Variants in PCDHGA4 observed in about 807,000 individuals in gnomAD.
PCDHGA4 encodes the protein protocadherin gamma subfamily A, 4.
A neutral mutation model predicts 54.6 loss-of-function variants in PCDHGA4; 38 were observed. The observed-to-expected ratio is 0.70, with a 90% CI of 0.54 to 0.91. The LOEUF (loss-of-function observed/expected upper bound fraction) is 0.91. Among genes scored for constraint, PCDHGA4 ranks in the 40% least tolerant of loss-of-function variants. The probability of loss-of-function intolerance (pLI) is 0.00; values close to 1 mark genes in which losing one functional copy is unlikely to be tolerated. For missense variants in PCDHGA4, 1,298 were observed against 1,220.9 expected, an observed-to-expected ratio of 1.06 and a Z score of -0.94; for synonymous variants, 511 against 512.9, an observed-to-expected ratio of 1.00 and a Z score of 0.05.
chr5:141,365,331 T>G, intron 1 of PCDHGA4: 1 of 1,613,960 alleles, frequency 6.2e-7, no homozygotes, highest in Non-Finnish European at 8.5e-7. Flanking sequence ...GCTAAGGTGG[T>G]GGTCACAGTA....
intron 1 of PCDHGA4, chr5:141,384,276 C>A: frequency 6.2e-7 from 1 of 1,613,888 alleles, no homozygotes; most frequent in Non-Finnish European, 8.5e-7. Context: ...CCTACTCAGT[C>A]TACATCGCTG....
chr5:141,479,211 A>G (rs2099490342), intron 1 of PCDHGA4: 1 of 152,422 alleles, frequency 6.6e-6, no homozygotes, highest in African/African-American at 2.4e-5. Context: ...AAGTATTTAA[A>G]AAATTAAAAC....
At chr5:141,385,135 G>T (rs948872903) in intron 1 of PCDHGA4, 7 of 1,614,214 alleles carry the variant, frequency 4.3e-6, no homozygotes, top group African/African-American at 2.7e-5. Context: ...CATGGACGGG[G>T]TGCAGGCTTT....
intron 1 of PCDHGA4, chr5:141,357,850 C>A: frequency 1.6e-6 from 1 of 608,648 alleles, no homozygotes. Context: ...TAGTTTCAGC[C>A]AGAATTTTCT....
rs1364415249 is a variant in PCDHGA4 at position 141,489,240 on chromosome 5, C to A, written c.2515-5567C>A. The stretch of plus-strand genomic sequence containing the variant: ...ACTCTCCACAAAGGGACTTCTGGGT[C>A]ATGGGGCCCAAGACACTCCCACAGC... On this transcript the variant is annotated intron_variant, in intron 1 of 3. Coordinates refer to ENST00000571252, the MANE Select transcript of PCDHGA4 (RefSeq NM_018917.4). The surrounding 1 kb of genome is among the most constrained non-coding windows in gnomAD (Gnocchi z 4.5). 1 of 1,534,136 alleles carries A rather than the reference C, an allele frequency of 6.5e-7. No individual in the cohort carries two copies. Among genetic ancestry groups the A allele is most frequent in the South Asian group, 1.3e-5 (1 of 76,896 alleles).
intron 1 of PCDHGA4, chr5:141,365,422 T>G: frequency 6.2e-7 from 1 of 1,614,032 alleles, no homozygotes; most frequent in Non-Finnish European, 8.5e-7. Context: ...TTCCCGGAAC[T>G]GTAATCGCGC....
intron 1 of PCDHGA4, chr5:141,410,295 T>G (rs1043971768): frequency 9.3e-6 from 15 of 1,613,864 alleles, no homozygotes; most frequent in Non-Finnish European, 1.3e-5. Context: ...GCCTTGGCCT[T>G]AATCTCAGTG....
At position 141,355,683 on chromosome 5, in the gene PCDHGA4, T is replaced by A; in HGVS notation, c.576T>A (p.Asp192Glu). 6.2e-7 allele frequency: 1 copy of A among 1,614,012 alleles called. No individual in the cohort carries two copies. The highest frequency in any genetic ancestry group is 8.5e-7 in the Non-Finnish European group (1 of 1,179,892). The change falls in exon 1 of 4, where the codon GAT becomes GAA. Residue 192 changes from aspartate (D) to glutamate (E), a missense_variant. Asp to Glu is a conservative substitution (Grantham distance 45, BLOSUM62 2). Coordinates refer to ENST00000571252, the MANE Select transcript of PCDHGA4 (RefSeq NM_018917.4). Reference protein sequence around the residue: ...RFPLPEAFDPDVGVNSLQGYQ... With the variant: ...RFPLPEAFDPEVGVNSLQGYQ... ...CTCTTCCTGAAGCTTTTGATCCGGA[T>A]GTAGGTGTAAACTCCCTGCAGGGTT...
chr5:141,408,575 G>A (rs1300122367), intron 1 of PCDHGA4: 4 of 1,613,918 alleles, frequency 2.5e-6, no homozygotes, highest in East Asian at 2.2e-5. Context: ...GGTGATTGAG[G>A]ATGTTAATGA....
intron 2 of PCDHGA4, among the ~76,000 whole-genome samples, chr5:141,497,894 A>AG (rs1562181617): frequency 2.0e-5 from 3 of 152,186 alleles, no homozygotes; most frequent in Admixed American, 6.5e-5. Context: ...GATCTAGTCC[A>AG]GTAACTTCAA....
chr5:141,394,365 C>T (rs1451388519), intron 1 of PCDHGA4: 1 of 1,614,212 alleles, frequency 6.2e-7, no homozygotes, highest in South Asian at 1.1e-5. Context: ...GTATGCGCTG[C>T]AATCTTTCGA....
intron 1 of PCDHGA4, among the ~76,000 whole-genome samples, chr5:141,482,940 G>T (rs1245833250): frequency 6.6e-6 from 1 of 152,026 alleles, no homozygotes; most frequent in East Asian, 1.9e-4. Context: ...AGGTGTGGTT[G>T]TGGGTGCCTG....
At chr5:141,492,637 C>T (rs2099742781) in intron 1 of PCDHGA4, among the ~76,000 whole-genome samples, 1 of 152,260 alleles carries the variant, frequency 6.6e-6, no homozygotes, top group South Asian at 2.1e-4. Context: ...CTCTACGATC[C>T]TTGGGCCAGA....
rs1168771567 is a variant in PCDHGA4 at position 141,398,057 on chromosome 5, A to T, written c.2514+40436A>T. On this transcript the variant is annotated intron_variant, in intron 1 of 3. Coordinates refer to ENST00000571252, the MANE Select transcript of PCDHGA4 (RefSeq NM_018917.4). ...CTAAAGCCCGTTCGGAGATCCAAAAATCTACAATACAGAGGTTATTTGTAA... is the reference window on the plus strand; with the variant it reads ...CTAAAGCCCGTTCGGAGATCCAAAATTCTACAATACAGAGGTTATTTGTAA... 9 of 1,524,504 alleles carry T rather than the reference A, an allele frequency of 5.9e-6. No individual in the cohort carries two copies. In the South Asian group the frequency reaches 1.1e-4, roughly 19 times the overall value. 94.4% of individuals were successfully genotyped at this position (1,524,504 alleles called of 1,614,324 possible). A position where few individuals can be genotyped will look rare whatever the true frequency, so the allele number is the denominator to read the frequency against.
At chr5:141,409,741 G>A in intron 1 of PCDHGA4, 2 of 1,613,122 alleles carry the variant, frequency 1.2e-6, no homozygotes, top group Non-Finnish European at 1.7e-6. Context: ...AGAGCGGGGT[G>A]GTGTTCGCGC....
intron 1 of PCDHGA4, chr5:141,414,906 A>C (rs749933537): frequency 6.2e-7 from 1 of 1,614,146 alleles, no homozygotes; most frequent in Admixed American, 1.7e-5. Context: ...ACGGTTCCAC[A>C]GGCGTGGAGC....
intron 1 of PCDHGA4, chr5:141,399,294 G>T (rs781668632): frequency 6.2e-7 from 1 of 1,613,914 alleles, no homozygotes; most frequent in South Asian, 1.1e-5. Flanking sequence ...TCCCTTTTAA[G>T]ATTATCTCTT....
At chr5:141,427,365 TG>T (rs1391779401) in intron 1 of PCDHGA4, 2 of 457,804 alleles carry the variant, frequency 4.4e-6, no homozygotes, top group Non-Finnish European at 8.8e-6. Flanking sequence ...CGCAGAACCC[TG>T]GACGGTGATC....
At chr5:141,482,675 A>G (rs1258898440) in intron 1 of PCDHGA4, among the ~76,000 whole-genome samples, 1 of 149,114 alleles carries the variant, frequency 6.7e-6, no homozygotes, top group African/African-American at 2.5e-5. Context: ...AAGGTTGAGT[A>G]GTAGCTTGTC....
Sources: allele counts gnomAD v4.1 joint callset (sites outside exome capture counted in the v4.1 genomes callset), GRCh38; gene constraint gnomAD v4.1.1; non-coding constraint Gnocchi (gnomAD v3.1); transcripts MANE v1.5; gene names NCBI Gene and HGNC (gene_info 2026-07-23, HGNC 2026-07-21).